ELMO1: variants seen among roughly 807,000 people sequenced by gnomAD.
The protein encoded by ELMO1 is engulfment and cell motility 1, also known as engulfment and cell motility protein 1.
Under a neutral mutation model 98.9 loss-of-function variants are expected in ELMO1, and 26 were observed. The observed-to-expected ratio is 0.26, with a 90% CI of 0.19 to 0.36. The LOEUF (loss-of-function observed/expected upper bound fraction) is 0.36. Ranked by LOEUF, ELMO1 falls within the 10% of genes least tolerant of loss-of-function variation. The pLI is 1.00. For synonymous variants in ELMO1, 346 were observed against 346.0 expected (o/e 1.00, Z 0.00); for missense variants, 627 against 935.2 (o/e 0.67, Z 4.30).
intron 16 of ELMO1, among the ~76,000 whole-genome samples, chr7:36,951,195 T>G (rs973335210): frequency 6.6e-6 from 1 of 152,182 alleles, no homozygotes; most frequent in African/African-American, 2.4e-5. Context: ...TATTCTGGAC[T>G]CAGCAATAGA....
At chr7:37,034,287 G>C (rs955219882) in intron 15 of ELMO1, among the ~76,000 whole-genome samples, 3 of 152,184 alleles carry the variant, frequency 2.0e-5, no homozygotes, top group Admixed American at 6.5e-5. Context: ...GACATGAACA[G>C]AGGGAGGCCC....
chr7:37,406,604 G>A (rs1196871661), intron 1 of ELMO1, among the ~76,000 whole-genome samples: 3 of 151,378 alleles, frequency 2.0e-5, no homozygotes, highest in Non-Finnish European at 4.4e-5. Context: ...TAATTTTTTT[G>A]TATTTTTTTT....
intron 4 of ELMO1, among the ~76,000 whole-genome samples, chr7:37,284,054 C>T (rs1297710671): frequency 2.6e-5 from 4 of 152,094 alleles, no homozygotes; most frequent in Admixed American, 1.3e-4. Flanking sequence ...TAAAACCTCT[C>T]GTGGGACAGG....
At chr7:37,117,131 G>C in intron 14 of ELMO1, 1 of 208,174 alleles carries the variant, frequency 4.8e-6, no homozygotes, top group Non-Finnish European at 1.0e-5. Context: ...TGTCCAACCT[G>C]CGGGTCACTC....
At chr7:36,945,024 G>A (rs553274784) in intron 16 of ELMO1, among the ~76,000 whole-genome samples, 47 of 152,154 alleles carry the variant, frequency 3.1e-4, no homozygotes, top group Non-Finnish European at 5.6e-4. Context: ...GCTGACTCAC[G>A]GCAGCTTTGC....
intron 16 of ELMO1, among the ~76,000 whole-genome samples, chr7:36,940,131 A>G (rs1432429913): frequency 6.6e-6 from 1 of 152,246 alleles, no homozygotes. Flanking sequence ...AAGAGTAAAT[A>G]GACAACCATC....
chr7:37,359,187 T>A (rs1801606523), intron 1 of ELMO1, among the ~76,000 whole-genome samples: 1 of 152,224 alleles, frequency 6.6e-6, no homozygotes, highest in South Asian at 2.1e-4. Context: ...AATACAGCCT[T>A]CCTACTCCTT....
chr7:37,377,481 A>G (rs1802400098), intron 1 of ELMO1, among the ~76,000 whole-genome samples: 1 of 152,176 alleles, frequency 6.6e-6, no homozygotes, highest in Non-Finnish European at 1.5e-5. Context: ...AGAATGGGGA[A>G]TACCACCTTT....
At chr7:37,404,720 C>T (rs780835187) in intron 1 of ELMO1, among the ~76,000 whole-genome samples, 3 of 152,186 alleles carry the variant, frequency 2.0e-5, no homozygotes, top group Non-Finnish European at 2.9e-5. Context: ...GGAGATACTA[C>T]ACCCCAGTAC....
intron 17 of ELMO1, among the ~76,000 whole-genome samples, chr7:36,888,059 G>T (rs935455028): frequency 6.6e-6 from 1 of 152,132 alleles, no homozygotes; most frequent in African/African-American, 2.4e-5. Context: ...TAAACTCTGG[G>T]ACTGTGTTTG....
At chr7:37,017,444 T>C (rs999133065) in intron 15 of ELMO1, among the ~76,000 whole-genome samples, 7 of 152,258 alleles carry the variant, frequency 4.6e-5, no homozygotes, top group Admixed American at 3.3e-4. Context: ...AAAGTACAAT[T>C]TGCGCCTCCC....
intron 16 of ELMO1, among the ~76,000 whole-genome samples, chr7:36,969,438 G>A (rs969412359): frequency 6.6e-6 from 1 of 152,128 alleles, no homozygotes; most frequent in Admixed American, 6.5e-5. Context: ...CAATATTCAT[G>A]ATATTGTATA....
At chr7:37,249,980 G>A (rs1282024119) in intron 6 of ELMO1, among the ~76,000 whole-genome samples, 5 of 152,166 alleles carry the variant, frequency 3.3e-5, no homozygotes, top group Admixed American at 1.3e-4. Context: ...TCAGGAGGCT[G>A]AGGCAGGAGG....
chr7:37,180,226 G>A (rs1452796112), intron 13 of ELMO1, among the ~76,000 whole-genome samples: 1 of 152,100 alleles, frequency 6.6e-6, no homozygotes, highest in African/African-American at 2.4e-5. Context: ...ACAGAATTGG[G>A]ACAGCTTTAC....
chr7:37,027,837 A>G (rs1295309487), intron 15 of ELMO1, among the ~76,000 whole-genome samples: 2 of 139,684 alleles, frequency 1.4e-5, no homozygotes, highest in African/African-American at 6.0e-5. Flanking sequence ...CTTAACTGAG[A>G]TTTACCAAAA....
At chr7:37,285,365 C>T (rs1406893211) in intron 4 of ELMO1, among the ~76,000 whole-genome samples, 3 of 152,196 alleles carry the variant, frequency 2.0e-5, no homozygotes, top group Non-Finnish European at 2.9e-5. Flanking sequence ...GTTTAAATAA[C>T]AGTATGGTTT....
intron 15 of ELMO1, among the ~76,000 whole-genome samples, chr7:37,022,119 T>C (rs1316468688): frequency 6.6e-6 from 1 of 152,212 alleles, no homozygotes; most frequent in African/African-American, 2.4e-5. Flanking sequence ...GCGTGGATTA[T>C]AGATCTCAGT....
At chr7:37,406,428 A>T (rs1803766201) in intron 1 of ELMO1, among the ~76,000 whole-genome samples, 1 of 141,500 alleles carries the variant, frequency 7.1e-6, no homozygotes, top group South Asian at 2.2e-4. Context: ...TGAGGAAGTA[A>T]GAAAATTTTT....
intron 15 of ELMO1, among the ~76,000 whole-genome samples, chr7:37,086,950 G>A (rs1361838828): frequency 6.6e-6 from 1 of 152,028 alleles, no homozygotes; most frequent in East Asian, 1.9e-4. Context: ...TTTGCATATT[G>A]TTTTCTAACC....
Sources: allele counts gnomAD v4.1 joint callset (sites outside exome capture counted in the v4.1 genomes callset), GRCh38; gene constraint gnomAD v4.1.1; transcripts MANE v1.5; gene names NCBI Gene and HGNC (gene_info 2026-07-23, HGNC 2026-07-21).